PDCD4: variants seen among roughly 807,000 people sequenced by gnomAD.
PDCD4 encodes the protein programmed cell death protein 4.
Under a neutral mutation model 54.0 loss-of-function variants are expected in PDCD4, and 56 were observed. The ratio of observed to expected loss-of-function variants is 1.04; its 90% CI spans 0.84 to 1.30. The LOEUF (loss-of-function observed/expected upper bound fraction) is 1.30, where lower values mean the gene tolerates loss of function less well. Ranked by LOEUF, PDCD4 falls within the 50% of genes most tolerant of loss-of-function variation. PDCD4 has a pLI of 0.00. For missense variants in PDCD4, 584 were observed against 559.8 expected, an observed-to-expected ratio of 1.04 and a Z score of -0.44; for synonymous variants, 186 against 194.8, an observed-to-expected ratio of 0.95 and a Z score of 0.37.
intron 1 of PDCD4, among the ~76,000 whole-genome samples, chr10:110,873,711 C>T (rs1029174290): frequency 5.3e-5 from 8 of 152,162 alleles, no homozygotes; most frequent in African/African-American, 1.9e-4. Flanking sequence ...AATCCTACTA[C>T]TTTAAAGAGC....
At chr10:110,896,418 G>A (rs1489815072) in intron 11 of PDCD4, among the ~76,000 whole-genome samples, 1 of 152,162 alleles carries the variant, frequency 6.6e-6, no homozygotes, top group Non-Finnish European at 1.5e-5. Context: ...AAGGTCACAT[G>A]GCTAGTACAT....
chr10:110,878,525 C>T (rs1032098201), intron 2 of PDCD4, among the ~76,000 whole-genome samples: 4 of 152,146 alleles, frequency 2.6e-5, no homozygotes, highest in South Asian at 2.1e-4. Context: ...CACTCTTACA[C>T]GAAAATGTCA....
At chr10:110,880,675 A>C (rs1845576844) in intron 2 of PDCD4, among the ~76,000 whole-genome samples, 1 of 152,222 alleles carries the variant, frequency 6.6e-6, no homozygotes, top group African/African-American at 2.4e-5. Flanking sequence ...ATACCTAGTT[A>C]TGGGACGTTT....
intron 7 of PDCD4, 61 bp downstream of exon 7, chr10:110,889,691 A>C: frequency 1.1e-6 from 1 of 903,964 alleles, no homozygotes; most frequent in Non-Finnish European, 1.8e-6. Flanking sequence ...ACAGGATCCT[A>C]TTGAAATGAC....
At chr10:110,879,427 G>A (rs1378200587) in intron 2 of PDCD4, among the ~76,000 whole-genome samples, 1 of 152,158 alleles carries the variant, frequency 6.6e-6, no homozygotes, top group African/African-American at 2.4e-5. Context: ...AGCACTTTGG[G>A]AGGCCGACGT....
intron 3 of PDCD4, among the ~76,000 whole-genome samples, chr10:110,882,251 T>C (rs1232385028): frequency 6.6e-6 from 1 of 152,224 alleles, no homozygotes; most frequent in East Asian, 1.9e-4. Context: ...TTTGGTCTGA[T>C]GGCAAGGATA....
At chr10:110,886,015 G>A (rs888983456) in intron 5 of PDCD4, among the ~76,000 whole-genome samples, 2 of 152,106 alleles carry the variant, frequency 1.3e-5, no homozygotes, top group Non-Finnish European at 2.9e-5. Context: ...GGACTTTTAT[G>A]ATTTGTCTGA....
At chr10:110,877,124 C>T (rs1845517700) in intron 2 of PDCD4, among the ~76,000 whole-genome samples, 1 of 152,134 alleles carries the variant, frequency 6.6e-6, no homozygotes, top group Admixed American at 6.5e-5. Context: ...CATTTCTGTG[C>T]TGCTGTATAC....
chr10:110,896,930 T>C (rs974963287), intron 11 of PDCD4, among the ~76,000 whole-genome samples: 3 of 152,180 alleles, frequency 2.0e-5, no homozygotes, highest in Admixed American at 2.0e-4. Context: ...AAAGATAGTT[T>C]AATAGCTTTA....
rs148549751 is a variant in PDCD4 at position 110,894,474 on chromosome 10, A to G, written c.1161A>G (p.Leu387=). ...CATTTAAGATGATTTTGGATTTATT[A>G]AAGTCCCTTTGGAAGTCTTCTACCA... ...ESTFKMILDL[L]KSLWKSSTIT... is the part of the protein sequence containing the mutation. Residue 387 remains leucine, a synonymous_variant, in exon 10 of 12, where the codon TTA becomes TTG. Transcript: ENST00000280154. 3 of 1,573,920 alleles carry G rather than the reference A, an allele frequency of 1.9e-6. No homozygotes were observed. The African/African-American group carries it at 4.0e-5, about 21-fold the overall frequency.
In PDCD4 at chr10:110,898,369, C is replaced by A; in HGVS notation, c.*281C>A. The A allele has an allele frequency of 4.1e-6, 1 of 243,176 alleles. No homozygotes were observed. The highest frequency in any genetic ancestry group is 7.8e-6 in the Non-Finnish European group (1 of 128,274). The allele number at this position is 243,176 out of a possible 1,614,324, so 15.1% of individuals were successfully genotyped here. A position where few individuals can be genotyped will look rare whatever the true frequency, so the allele number is the denominator to read the frequency against. ...GTAAGTGCCATGTTTATTATCTAAT[C>A]ATTCCAAGTTTTGCATTGATGTCTG... is the stretch of plus-strand genomic sequence containing the variant. On this transcript the variant is annotated 3_prime_UTR_variant, in exon 12 of 12. Coordinates refer to ENST00000280154, the MANE Select transcript of PDCD4 (RefSeq NM_014456.5).
At chr10:110,877,261 C>T (rs1186861775) in intron 2 of PDCD4, among the ~76,000 whole-genome samples, 1 of 152,072 alleles carries the variant, frequency 6.6e-6, no homozygotes, top group Non-Finnish European at 1.5e-5. Flanking sequence ...CTGCACTGTC[C>T]AGTATGGTGA....
At chr10:110,889,770 G>A (rs1288771309) in intron 7 of PDCD4, 140 bp downstream of exon 7, 3 of 619,462 alleles carry the variant, frequency 4.8e-6, no homozygotes, top group Non-Finnish European at 8.6e-6. Context: ...TTAAAATGGA[G>A]AGACTATTGG....
rs371874400 is a variant in PDCD4, at chr10:110,896,075, T to C, written c.1337T>C (p.Leu446Pro). ...ATAATTTCCAAACAACTCAGAGATCTTTGTCCTTCAAGGTACTTTATTTAA... is the reference window on the plus strand; with the variant it reads ...ATAATTTCCAAACAACTCAGAGATCCTTGTCCTTCAAGGTACTTTATTTAA... The part of the protein sequence containing the change: ...AGIISKQLRD[L>P]CPSRGRKRFV... Residue 446 changes from leucine to proline, a missense_variant, in exon 11 of 12, where the codon CTT (leucine) becomes CCT (proline). Transcript: ENST00000280154. The C allele has an allele frequency of 6.2e-7, 1 of 1,607,238 alleles. No homozygotes were observed. Among genetic ancestry groups the C allele is most frequent in the South Asian group, 1.1e-5 (1 of 90,190 alleles).
In PDCD4 at chr10:110,891,103, A is replaced by G. The variant is rs180787271; in HGVS notation, c.990+433A>G. Among the ~76,000 whole-genome samples, 107 of 152,282 alleles carry G rather than the reference A, an allele frequency of 7.0e-4. 1 individual carries two copies. The East Asian group carries it at 0.017, about 24-fold the overall frequency. ...CAGATCAGAGTGTTAGATTTTTGTG[A>G]GGACATTCACTACCCATATGCATGT... On this transcript the variant is annotated intron_variant, in intron 8 of 11. Coordinates refer to ENST00000280154, the MANE Select transcript of PDCD4 (RefSeq NM_014456.5).
chr10:110,898,024 A>G lies in PDCD4; in HGVS notation c.1350-4A>G. ...TTTCATGTCTTTTTTTTTCTTCATT[A>G]CAGGGGCAGAAAGCGTTTTGTAAGC... On this transcript the variant is annotated splice_polypyrimidine_tract_variant and splice_region_variant and intron_variant, in intron 11 of 11. Coordinates refer to ENST00000280154, the MANE Select transcript of PDCD4 (RefSeq NM_014456.5). 6.3e-7 allele frequency: 1 copy of G among 1,580,504 alleles called. No homozygotes were observed. Among genetic ancestry groups the G allele is most frequent in the Non-Finnish European group, 8.6e-7 (1 of 1,160,830 alleles).
At chr10:110,882,900 C>A in intron 3 of PDCD4, 103 bp from the exon 4 acceptor site, 1 of 742,354 alleles carries the variant, frequency 1.3e-6, no homozygotes, top group Non-Finnish European at 2.3e-6. Context: ...ACGTTAAATA[C>A]AATTTTTTTT....
rs1425592158 is a variant in PDCD4, at chr10:110,876,024, G to A, written c.-4G>A. ...TTAATCAGTGCAAGCGAAATTAAGG[G>A]AAAATGGATGTAGAAAATGAGCAGA... On this transcript the variant is annotated 5_prime_UTR_variant, in exon 2 of 12. Transcript: ENST00000280154. The A allele has an allele frequency of 6.2e-7, 1 of 1,608,676 alleles. No homozygotes were observed. Among genetic ancestry groups the A allele is most frequent in the Non-Finnish European group, 8.5e-7 (1 of 1,176,264 alleles).
At chr10:110,876,477 T>C (rs1227986484) in intron 2 of PDCD4, among the ~76,000 whole-genome samples, 1 of 152,246 alleles carries the variant, frequency 6.6e-6, no homozygotes, top group African/African-American at 2.4e-5. Context: ...TGGAAATTCA[T>C]TACATGTCCT....
Sources: allele counts gnomAD v4.1 joint callset (sites outside exome capture counted in the v4.1 genomes callset), GRCh38; gene constraint gnomAD v4.1.1; transcripts MANE v1.5; gene names NCBI Gene and HGNC (gene_info 2026-07-23, HGNC 2026-07-21).